Variants in RBFOX1 observed in about 807,000 individuals in gnomAD.
RBFOX1 encodes the protein RNA binding protein fox-1 homolog 1.
A neutral mutation model predicts 57.7 loss-of-function variants in RBFOX1; 8 were observed. The ratio of observed to expected loss-of-function variants is 0.14; its 90% confidence interval spans 0.08 to 0.25. The LOEUF is 0.25. Among genes scored for constraint, RBFOX1 ranks in the 10% least tolerant of loss-of-function variants. The pLI, the probability that RBFOX1 is intolerant of heterozygous loss-of-function variation, is 1.00. For synonymous variants in RBFOX1, 326 were observed against 222.4 expected (o/e 1.47, Z -4.15); for missense variants, 611 against 548.5 (o/e 1.11, Z -1.14).
intron 4 of RBFOX1, among the ~76,000 whole-genome samples, chr16:7,401,883 T>C (rs2098250051): frequency 6.6e-6 from 1 of 152,192 alleles, no homozygotes; most frequent in African/African-American, 2.4e-5. Context: ...TAAAAATGGC[T>C]CTGGAGAAAT....
chr16:7,018,037 G>A (rs1164187454), intron 3 of RBFOX1, among the ~76,000 whole-genome samples: 5 of 152,038 alleles, frequency 3.3e-5, no homozygotes, highest in African/African-American at 7.2e-5. Context: ...TGTCATTCAC[G>A]TTTGAAAACA....
At chr16:6,405,103 T>C (rs2093228602) in intron 2 of RBFOX1, among the ~76,000 whole-genome samples, 1 of 152,200 alleles carries the variant, frequency 6.6e-6, no homozygotes, top group Non-Finnish European at 1.5e-5. Context: ...CATGCTTTAA[T>C]AGAAAACTTA....
intron 5 of RBFOX1, among the ~76,000 whole-genome samples, chr16:7,568,805 T>C (rs184336500): frequency 1.1e-3 from 151 of 135,156 alleles, no homozygotes; most frequent in African/African-American, 4.1e-3. Flanking sequence ...GAGAATGGCG[T>C]GAACCCGGGA....
intron 3 of RBFOX1, among the ~76,000 whole-genome samples, chr16:5,642,996 G>A (rs1203630861): frequency 1.3e-5 from 2 of 152,150 alleles, no homozygotes; most frequent in Non-Finnish European, 2.9e-5. Context: ...TCCTGAGCAC[G>A]ACTTCCTGGA....
chr16:6,659,077 C>T (rs1184371143), intron 3 of RBFOX1, among the ~76,000 whole-genome samples: 1 of 151,930 alleles, frequency 6.6e-6, no homozygotes, highest in Non-Finnish European at 1.5e-5. Flanking sequence ...TTTACAGTAC[C>T]TGTGTTTCTG....
At chr16:6,773,881 T>G in intron 3 of RBFOX1, 3 of 877,658 alleles carry the variant, frequency 3.4e-6, no homozygotes, top group Non-Finnish European at 4.1e-6. Flanking sequence ...CGTTTGTCTG[T>G]GTGTATTTGT....
intron 3 of RBFOX1, among the ~76,000 whole-genome samples, chr16:6,901,638 T>C (rs1390868828): frequency 6.6e-6 from 1 of 152,194 alleles, no homozygotes; most frequent in Non-Finnish European, 1.5e-5. Context: ...CTGTTTCTGG[T>C]AACCTTCAAC....
intron 4 of RBFOX1, among the ~76,000 whole-genome samples, chr16:7,477,945 C>G (rs2063087292): frequency 6.6e-6 from 1 of 152,206 alleles, no homozygotes; most frequent in Non-Finnish European, 1.5e-5. Context: ...AACCTTTGCA[C>G]TCCCACACAT....
At chr16:6,989,586 G>A (rs2091054549) in intron 3 of RBFOX1, among the ~76,000 whole-genome samples, 1 of 152,146 alleles carries the variant, frequency 6.6e-6, no homozygotes, top group Non-Finnish European at 1.5e-5. Context: ...TACAGCTGTG[G>A]AGAATGCAAC....
At chr16:6,936,260 A>G (rs1417398932) in intron 3 of RBFOX1, among the ~76,000 whole-genome samples, 1 of 152,224 alleles carries the variant, frequency 6.6e-6, no homozygotes, top group African/African-American at 2.4e-5. Context: ...TTAAGCCTAA[A>G]TCAGAGATGA....
At chr16:6,067,173 C>G (rs2095776339) in intron 1 of RBFOX1, among the ~76,000 whole-genome samples, 2 of 152,154 alleles carry the variant, frequency 1.3e-5, no homozygotes, top group Admixed American at 6.5e-5. Flanking sequence ...TGTAAGAAGA[C>G]ATTAAAAATA....
intron 3 of RBFOX1, among the ~76,000 whole-genome samples, chr16:7,023,699 A>G (rs962008874): frequency 6.6e-6 from 1 of 151,596 alleles, no homozygotes; most frequent in South Asian, 2.1e-4. Context: ...TAAATCAGAG[A>G]TGGGTGTTAC....
At chr16:7,361,194 T>C (rs2097313038) in intron 4 of RBFOX1, among the ~76,000 whole-genome samples, 1 of 152,180 alleles carries the variant, frequency 6.6e-6, no homozygotes, top group Admixed American at 6.5e-5. Context: ...ACCTGCTCAG[T>C]GAAGCCAGTT....
intron 3 of RBFOX1, among the ~76,000 whole-genome samples, chr16:6,808,469 C>A (rs1389187642): frequency 6.6e-6 from 1 of 152,086 alleles, no homozygotes; most frequent in South Asian, 2.1e-4. Flanking sequence ...CCTTGCTTCC[C>A]CAGTGAATAG....
chr16:6,519,717 G>C (rs976781829), intron 2 of RBFOX1, among the ~76,000 whole-genome samples: 1 of 152,038 alleles, frequency 6.6e-6, no homozygotes, highest in African/African-American at 2.4e-5. Context: ...GATAATAGAA[G>C]AAAACTCTGC....
chr16:6,713,333 G>T (rs1430114391), intron 3 of RBFOX1, among the ~76,000 whole-genome samples: 10 of 152,056 alleles, frequency 6.6e-5, no homozygotes. Flanking sequence ...TCTCACGGGA[G>T]TCTTGATGAC....
chr16:7,113,289 G>A (rs528194658), intron 4 of RBFOX1, among the ~76,000 whole-genome samples: 3 of 152,246 alleles, frequency 2.0e-5, no homozygotes, highest in South Asian at 4.1e-4. Context: ...TAAGAGTAAT[G>A]CTCTATAGTT....
chr16:6,667,264 C>A (rs557797321), intron 3 of RBFOX1, among the ~76,000 whole-genome samples: 2 of 152,222 alleles, frequency 1.3e-5, no homozygotes, highest in East Asian at 1.9e-4. Context: ...ACAGTGGTAA[C>A]CCAGAGAGTG....
chr16:6,846,053 T>G (rs1260569212), intron 3 of RBFOX1, among the ~76,000 whole-genome samples: 1 of 152,204 alleles, frequency 6.6e-6, no homozygotes, highest in Non-Finnish European at 1.5e-5. Flanking sequence ...AACAAGCACA[T>G]CACAGTTGTA....
Sources: gnomAD v4.1 joint callset for allele counts (sites outside exome capture counted in the v4.1 genomes callset) on GRCh38, gnomAD v4.1.1 for gene constraint, MANE v1.5 for transcripts, NCBI Gene and HGNC (gene_info 2026-07-23, HGNC 2026-07-21) for gene names.